TBC1D1: variants seen among roughly 807,000 people sequenced by gnomAD.
TBC1D1 encodes TBC1 (tre-2/USP6, BUB2, cdc16) domain family, member 1.
Under a neutral mutation model 125.6 loss-of-function variants are expected in TBC1D1, and 89 were observed. The observed-to-expected ratio is 0.71, with a 90% CI of 0.60 to 0.85. The LOEUF (loss-of-function observed/expected upper bound fraction) is 0.85, where lower values mean the gene tolerates loss of function less well. TBC1D1 is among the 40% of genes least tolerant of loss of function. The probability of loss-of-function intolerance (pLI) is 0.00; values close to 1 mark genes in which losing one functional copy is unlikely to be tolerated. For missense variants in TBC1D1, 1,377 were observed against 1,469.2 expected, an observed-to-expected ratio of 0.94 and a Z score of 1.03; for synonymous variants, 565 against 564.1, an observed-to-expected ratio of 1.00 and a Z score of -0.02.
At chr4:37,958,833 A>G (rs898185554) in intron 2 of TBC1D1, among the ~76,000 whole-genome samples, 4 of 152,188 alleles carry the variant, frequency 2.6e-5, no homozygotes, top group African/African-American at 9.7e-5. Context: ...GTTGCCTACC[A>G]TAGTGTTTGA....
intron 2 of TBC1D1, among the ~76,000 whole-genome samples, chr4:37,990,785 G>A (rs1380484846): frequency 6.6e-6 from 1 of 152,184 alleles, no homozygotes; most frequent in Non-Finnish European, 1.5e-5. Flanking sequence ...CAATTCTCTA[G>A]TGTGTTAATC....
chr4:38,043,008 T>C (rs187869923), intron 8 of TBC1D1, among the ~76,000 whole-genome samples: 2 of 152,166 alleles, frequency 1.3e-5, no homozygotes, highest in Non-Finnish European at 2.9e-5. Context: ...TTCAAGCGAT[T>C]CTCCTGCCTC....
At chr4:37,984,403 C>T (rs1207866266) in intron 2 of TBC1D1, among the ~76,000 whole-genome samples, 1 of 152,200 alleles carries the variant, frequency 6.6e-6, no homozygotes, top group Non-Finnish European at 1.5e-5. Context: ...ATTTCTTTTG[C>T]TCCTCACAGG....
At chr4:38,123,071 G>A (rs1181577838) in intron 17 of TBC1D1, among the ~76,000 whole-genome samples, 1 of 152,198 alleles carries the variant, frequency 6.6e-6, no homozygotes, top group Non-Finnish European at 1.5e-5. Flanking sequence ...GTATTTGGTT[G>A]TGCTGACAAA....
chr4:38,033,854 T>C (rs1746693283), intron 7 of TBC1D1, among the ~76,000 whole-genome samples: 1 of 152,226 alleles, frequency 6.6e-6, no homozygotes, highest in Admixed American at 6.5e-5. Flanking sequence ...CTTCCATGTC[T>C]CTTTATGGCT....
chr4:37,966,542 C>T (rs1238972219), intron 2 of TBC1D1, among the ~76,000 whole-genome samples: 2 of 152,208 alleles, frequency 1.3e-5, no homozygotes, highest in Non-Finnish European at 2.9e-5. Context: ...AATTATGTAC[C>T]TTCTCTAGCT....
Position 37,950,402 on chromosome 4 carries a change from A to G in TBC1D1, c.417+47890A>G, listed in dbSNP as rs75773751. On this transcript the variant is annotated intron_variant, in intron 2 of 19. Transcript: ENST00000261439. ...CCATAGAGACTTGTGAATGGTTCAT[A>G]AAGTTTTTCATTCATTTATGGAAAG... Among the ~76,000 whole-genome samples, 1,358 of 152,102 alleles carry G rather than the reference A, an allele frequency of 8.9e-3. 19 individuals carry two copies. Among genetic ancestry groups the G allele is most frequent in the African/African-American group, 0.031 (1,294 of 41,478 alleles).
intron 15 of TBC1D1, chr4:38,110,791 G>A: frequency 1.0e-6 from 1 of 985,468 alleles, no homozygotes; most frequent in South Asian, 4.7e-5. Flanking sequence ...AGATTTGTAG[G>A]AAGGATTGCA....
intron 2 of TBC1D1, among the ~76,000 whole-genome samples, chr4:37,992,089 G>T (rs1411040944): frequency 1.3e-5 from 2 of 152,220 alleles, no homozygotes; most frequent in African/African-American, 4.8e-5. Flanking sequence ...GCAGGACTGT[G>T]TTTGTTCTGG....
chr4:38,061,634 C>T (rs1322533636), intron 12 of TBC1D1, among the ~76,000 whole-genome samples: 2 of 152,036 alleles, frequency 1.3e-5, no homozygotes, highest in Non-Finnish European at 2.9e-5. Context: ...AGAAATAGTC[C>T]AGTGAAACTT....
In TBC1D1 at chr4:38,014,710, CG is replaced by C. The variant is rs770764419; in HGVS notation, c.624del (p.Ser209ProfsTer102). On this transcript the variant is annotated frameshift_variant, in exon 3 of 20. Transcript: ENST00000261439. LOFTEE classifies it high-confidence loss of function. The surrounding 1 kb of genome is among the most constrained non-coding windows in gnomAD (Gnocchi z 5.1). ...GAAGTTCAATCACGTCAGCGGCAGC[CG>C]GGGGTCCGAGAGCCCCCGCCCCAAC... 1.9e-6 allele frequency: 3 copies of C among 1,612,558 alleles called. No individual in the cohort carries two copies. In the Admixed American group the frequency reaches 5.0e-5, roughly 27 times the overall value.
In TBC1D1 at chr4:38,133,153, C is replaced by A; in HGVS notation, c.3202C>A (p.Leu1068Ile). 2 of 1,614,132 alleles carry A rather than the reference C, an allele frequency of 1.2e-6. No individual in the cohort carries two copies. The highest frequency in any genetic ancestry group is 1.7e-6 in the Non-Finnish European group (2 of 1,179,972). ...TGAGTACCACGTCCTTCAAGAAGAA[C>A]TTATCGATTCCTCTCCTCTCAGTGA... Residue 1068 changes from leucine to isoleucine, a missense_variant, in exon 19 of 20, where the codon CTT (leucine) becomes ATT (isoleucine). Physicochemically the swap from Leu to Ile is conservative, Grantham distance 5. Transcript: ENST00000261439.
rs981137347 is a variant in TBC1D1, at chr4:38,138,763, T to G, written c.*1428T>G. ...CCACGTCTTCTATTCCATAGGAGTTTCTTTTGATTCTCTCAGTTGCGGGGG... is the reference window on the plus strand; with the variant it reads ...CCACGTCTTCTATTCCATAGGAGTTGCTTTTGATTCTCTCAGTTGCGGGGG... On this transcript the variant is annotated 3_prime_UTR_variant, in exon 20 of 20. Transcript: ENST00000261439. 1.4e-5 allele frequency: 2 copies of G among 145,518 alleles called. No individual in the cohort carries two copies. Among genetic ancestry groups the G allele is most frequent in the Admixed American group, 1.4e-4 (2 of 14,184 alleles). 9.0% of individuals were successfully genotyped at this position (145,518 alleles called of 1,614,324 possible).
chr4:37,930,810 T>C (rs560200466), intron 2 of TBC1D1, among the ~76,000 whole-genome samples: 12 of 152,336 alleles, frequency 7.9e-5, no homozygotes, highest in African/African-American at 2.9e-4. Flanking sequence ...AAAGAAATAT[T>C]TTCCATATAT....
At chr4:37,895,118 C>T (rs1474564144) in intron 1 of TBC1D1, among the ~76,000 whole-genome samples, 1 of 152,200 alleles carries the variant, frequency 6.6e-6, no homozygotes, top group African/African-American at 2.4e-5. Context: ...CCCGATTCTG[C>T]CACTTCTTAT....
rs1489744133 is a variant in TBC1D1 at position 37,942,685 on chromosome 4, C to T, written c.417+40173C>T. Among the ~76,000 whole-genome samples the T allele has an allele frequency of 7.2e-5, 11 of 152,156 alleles. No homozygotes were observed. The East Asian group carries it at 1.9e-3, about 27-fold the overall frequency. The stretch of plus-strand genomic sequence containing the variant: ...TCCCAAGTAGCTGGAACTACAGGTG[C>T]CCACCACCACGCCTGGCTAATTTTT... On this transcript the variant is annotated intron_variant, in intron 2 of 19. Transcript: ENST00000261439.
chr4:37,952,174 A>G (rs980030443), intron 2 of TBC1D1: 6 of 694,670 alleles, frequency 8.6e-6, no homozygotes, highest in African/African-American at 7.1e-5. Flanking sequence ...AGTGGCCCTG[A>G]GACTATTTAT....
chr4:38,061,625 GA>G (rs1443733604), intron 12 of TBC1D1, among the ~76,000 whole-genome samples: 1 of 152,128 alleles, frequency 6.6e-6, no homozygotes, highest in African/African-American at 2.4e-5. Context: ...CATTGTATAA[GA>G]AATAGTCCAG....
At chr4:38,052,202 CGTGT>C (rs757133766) in intron 11 of TBC1D1, 142 bp downstream of exon 12, 13,765 of 628,138 alleles carry the variant, frequency 0.022, 240 homozygotes, top group South Asian at 0.053. Context: ...TGTGCGCGCG[CGTGT>C]GTGTCTTTGT....
Sources: gnomAD v4.1 joint callset for allele counts (sites outside exome capture counted in the v4.1 genomes callset) on GRCh38, gnomAD v4.1.1 for gene constraint, Gnocchi (gnomAD v3.1) non-coding constraint, MANE v1.5 for transcripts, NCBI Gene and HGNC (gene_info 2026-07-23, HGNC 2026-07-21) for gene names.